The following DNAAF8 variants were observed in gnomAD, a reference collection of about 807,000 sequenced individuals.
DNAAF8 encodes dynein axonemal-associated protein 1.
DNAAF8 carries 61 observed loss-of-function variants against 54.6 expected under a neutral mutation model. The ratio of observed to expected loss-of-function variants is 1.12; its 90% confidence interval spans 0.91 to 1.38. The LOEUF (loss-of-function observed/expected upper bound fraction) is 1.38, where lower values mean the gene tolerates loss of function less well. Ranked by LOEUF, DNAAF8 falls within the 40% of genes most tolerant of loss-of-function variation. The pLI, the probability that DNAAF8 is intolerant of heterozygous loss-of-function variation, is 0.00. For missense variants in DNAAF8, 837 were observed against 665.0 expected (o/e 1.26, Z -2.85); for synonymous variants, 320 against 270.1 (o/e 1.18, Z -1.81).
chr16:4,738,527 G>A (rs549213222), intron 3 of DNAAF8, among the ~76,000 whole-genome samples: 17 of 152,346 alleles, frequency 1.1e-4, no homozygotes, highest in African/African-American at 4.1e-4. Context: ...GCCAGTGCTG[G>A]AGGCTGAGAC....
intron 3 of DNAAF8, among the ~76,000 whole-genome samples, chr16:4,738,557 GGAGTTT>G (rs2081922012): frequency 6.6e-6 from 1 of 152,236 alleles, no homozygotes; most frequent in Admixed American, 6.5e-5. Context: ...CATGAGGCCA[GGAGTTT>G]GAGACCAGCC....
chr16:4,748,409 A>C (rs1397434196), intron 9 of DNAAF8: 2 of 152,076 alleles, frequency 1.3e-5, no homozygotes, highest in African/African-American at 2.4e-5. Flanking sequence ...TCTCTTCTTT[A>C]CCTAAGATAG....
At chr16:4,748,046 T>C (rs1031886628) in intron 9 of DNAAF8, among the ~76,000 whole-genome samples, 9 of 152,186 alleles carry the variant, frequency 5.9e-5, no homozygotes, top group African/African-American at 2.2e-4. Flanking sequence ...GATTTTAGGG[T>C]TGAAAGAGAC....
rs2081947536 is a variant in DNAAF8, at chr16:4,740,398, C to T, written c.522C>T (p.Leu174=). 1 of 1,613,894 alleles carries T rather than the reference C, an allele frequency of 6.2e-7. No individual in the cohort carries two copies. Among genetic ancestry groups the T allele is most frequent in the Non-Finnish European group, 8.5e-7 (1 of 1,180,032 alleles). Residue 174 remains leucine, a synonymous_variant, in exon 4 of 10, where the codon CTC becomes CTT. Coordinates refer to ENST00000299320, the MANE Select transcript of DNAAF8 (RefSeq NM_139170.3). ...GGGACCCACAGGCCGAAGCCACTCT[C>T]TCCTGCCATGAAGGAGACCCAAAGG... ...PPWDPQAEAT[L]SCHEGDPKAE... is the part of the protein sequence containing the mutation.
At chr16:4,739,115 C>T (rs550585980) in intron 3 of DNAAF8, among the ~76,000 whole-genome samples, 1 of 152,180 alleles carries the variant, frequency 6.6e-6, no homozygotes, top group East Asian at 1.9e-4. Context: ...ATTCCTAGAC[C>T]TAGGTTTGAA....
chr16:4,738,042 T>C, intron 3 of DNAAF8, 96 bp downstream of exon 3: 3 of 1,396,036 alleles, frequency 2.1e-6, no homozygotes, highest in Non-Finnish European at 2.9e-6. Flanking sequence ...CACGATATGC[T>C]AGAACATGGT....
At chr16:4,746,639 A>C in intron 7 of DNAAF8, 127 bp downstream of exon 7, 9 of 1,276,340 alleles carry the variant, frequency 7.1e-6, no homozygotes, top group Non-Finnish European at 9.6e-6. Flanking sequence ...TCAATTCTCA[A>C]TTGAAAAGTG....
chr16:4,741,113 A>T (rs1050230139), intron 4 of DNAAF8, among the ~76,000 whole-genome samples: 1 of 151,538 alleles, frequency 6.6e-6, no homozygotes, highest in African/African-American at 2.4e-5. Flanking sequence ...GGGCGCCTGT[A>T]GTCCCAGCTA....
chr16:4,737,565 A>C (rs2034754812), intron 2 of DNAAF8, among the ~76,000 whole-genome samples: 1 of 152,176 alleles, frequency 6.6e-6, no homozygotes, highest in African/African-American at 2.4e-5. Context: ...TCTCACCTCC[A>C]CGAGGTTGTG....
chr16:4,736,687 G>C (rs1344768659), intron 2 of DNAAF8, 44 bp downstream of exon 2: 5 of 1,493,778 alleles, frequency 3.3e-6, no homozygotes, highest in Non-Finnish European at 4.5e-6. Flanking sequence ...CTTCCTACCA[G>C]AGCAGGCATG....
At position 4,742,234 on chromosome 16, in the gene DNAAF8, A is replaced by G. The variant is rs376953373; in HGVS notation, c.784-809A>G. Among the ~76,000 whole-genome samples the G allele has an allele frequency of 2.6e-4, 39 of 152,216 alleles. 1 individual carries two copies. In the South Asian group the frequency reaches 8.1e-3, roughly 32 times the overall value. On this transcript the variant is annotated intron_variant, in intron 4 of 9. Coordinates refer to ENST00000299320, the MANE Select transcript of DNAAF8 (RefSeq NM_139170.3). ...TAACCTCCAAACATTGTGAACCTGT[A>G]TGAACCTAAATAGTGTTTCTGAAAA...
At chr16:4,747,825 A>G (rs1252042650) in intron 9 of DNAAF8, among the ~76,000 whole-genome samples, 191 bp downstream of exon 9, 1 of 152,136 alleles carries the variant, frequency 6.6e-6, no homozygotes, top group Non-Finnish European at 1.5e-5. Flanking sequence ...GGATGCAGAT[A>G]CAAATCTGTA....
intron 8 of DNAAF8, 107 bp downstream of exon 8, chr16:4,747,132 C>CCTGTGCGGTGGGTGCAGCAAGACCT: frequency 8.0e-7 from 1 of 1,248,254 alleles, no homozygotes; most frequent in Non-Finnish European, 1.1e-6. Flanking sequence ...CTTGCTGCAC[C>CCTGTGCGGTGGGTGCAGCAAGACCT]CACCGCACAG....
chr16:4,747,759 T>C (rs2082036858), intron 9 of DNAAF8, 125 bp downstream of exon 9: 1 of 1,184,172 alleles, frequency 8.4e-7, no homozygotes, highest in Non-Finnish European at 1.2e-6. Flanking sequence ...CCCTCAGACT[T>C]TGGACTGTTG....
At chr16:4,737,611 G>C (rs547342112) in intron 2 of DNAAF8, among the ~76,000 whole-genome samples, 189 bp from the exon 3 acceptor site, 2 of 152,278 alleles carry the variant, frequency 1.3e-5, no homozygotes, top group Admixed American at 1.3e-4. Flanking sequence ...GCAAGAAGCC[G>C]CGCACAGCAA....
chr16:4,736,539 G>A lies in DNAAF8; in HGVS notation c.25G>A (p.Ala9Thr). MASNDKGM[A>T]PSLGSPWASQ... ...CATGGCATCCAACGATAAAGGCATGGCACCCTCGCTGGGCTCTCCCTGGGC... is the reference window on the plus strand; with the variant it reads ...CATGGCATCCAACGATAAAGGCATGACACCCTCGCTGGGCTCTCCCTGGGC... The change falls in exon 2 of 10, where the codon GCA becomes ACA. Residue 9 changes from alanine to threonine, a missense_variant. Transcript: ENST00000299320. 6.4e-7 allele frequency: 1 copy of A among 1,567,516 alleles called. No homozygotes were observed. The highest frequency in any genetic ancestry group is 1.2e-5 in the South Asian group (1 of 85,128).
chr16:4,747,972 A>G (rs1310792590), intron 9 of DNAAF8, among the ~76,000 whole-genome samples: 3 of 152,128 alleles, frequency 2.0e-5, no homozygotes, highest in African/African-American at 7.2e-5. Context: ...GCATTTTTTT[A>G]AACAGGCATC....
At chr16:4,743,217 C>A (rs1203372748) in intron 5 of DNAAF8, 57 bp downstream of exon 5, 4 of 1,301,762 alleles carry the variant, frequency 3.1e-6, no homozygotes, top group African/African-American at 3.0e-5. Flanking sequence ...CCTTCCTGGG[C>A]CCCTCAGACA....
intron 3 of DNAAF8, among the ~76,000 whole-genome samples, chr16:4,738,685 C>A (rs1310098078): frequency 6.6e-6 from 1 of 152,114 alleles, no homozygotes; most frequent in East Asian, 1.9e-4. Flanking sequence ...GAGTTTGAGA[C>A]CAGCCTGGCC....
Sources: allele counts gnomAD v4.1 joint callset (sites outside exome capture counted in the v4.1 genomes callset), GRCh38; gene constraint gnomAD v4.1.1; transcripts MANE v1.5; gene names NCBI Gene and HGNC (gene_info 2026-07-23, HGNC 2026-07-21).